The following FAT1 variants were observed in gnomAD, a reference collection of about 807,000 sequenced individuals.
FAT1 encodes the protein protocadherin Fat 1.
A neutral mutation model predicts 329.8 loss-of-function variants in FAT1; 171 were observed. The observed-to-expected ratio is 0.52, with a 90% confidence interval of 0.46 to 0.59. The LOEUF (loss-of-function observed/expected upper bound fraction) is 0.59. Among genes scored for constraint, FAT1 ranks in the 20% least tolerant of loss-of-function variants. The pLI is 0.00. For synonymous variants in FAT1, 2,233 were observed against 2,228.6 expected, an observed-to-expected ratio of 1.00 and a Z score of -0.06; for missense variants, 5,672 against 5,774.4, an observed-to-expected ratio of 0.98 and a Z score of 0.57.
At chr4:186,642,377 C>A (rs184432364) in intron 3 of FAT1, among the ~76,000 whole-genome samples, 1 of 152,200 alleles carries the variant, frequency 6.6e-6, no homozygotes, top group Non-Finnish European at 1.5e-5. Flanking sequence ...GGAAAACTCA[C>A]GAGGACAGTG....
intron 3 of FAT1, among the ~76,000 whole-genome samples, chr4:186,651,042 A>ACCATTATTAAATAATTTAT (rs1560966623): frequency 2.0e-5 from 3 of 147,334 alleles, no homozygotes; most frequent in South Asian, 2.1e-4. Context: ...TAATTTATTT[A>ACCATTATTAAATAATTTAT]CTATTATTAA....
Position 186,619,722 on chromosome 4 carries a change from A to G in FAT1, c.6864T>C (p.Tyr2288=), listed in dbSNP as rs956284854. The change falls in exon 10 of 27, where the codon TAT becomes TAC. Residue 2288 remains tyrosine (Y), a synonymous_variant. Transcript: ENST00000441802. Reference sequence around the variant, plus strand: ...CAGATGCCTCAGACAGGGTCACCGCATAAGACTGCTGAGCAAACACAGGAG... The same window carrying G: ...CAGATGCCTCAGACAGGGTCACCGCGTAAGACTGCTGAGCAAACACAGGAG... ...DNPPVFAQQS[Y]AVTLSEASVI... The G allele has an allele frequency of 1.3e-5, 21 of 1,613,910 alleles. No homozygotes were observed. The highest frequency in any genetic ancestry group is 1.5e-5 in the Non-Finnish European group (18 of 1,179,906).
At chr4:186,644,274 G>T (rs1341674437) in intron 3 of FAT1, among the ~76,000 whole-genome samples, 1 of 152,130 alleles carries the variant, frequency 6.6e-6, no homozygotes, top group African/African-American at 2.4e-5. Flanking sequence ...TCATTTAATA[G>T]ATCCAAAAAA....
At chr4:186,686,805 G>C (rs1560992420) in intron 2 of FAT1, among the ~76,000 whole-genome samples, 1 of 152,164 alleles carries the variant, frequency 6.6e-6, no homozygotes, top group Non-Finnish European at 1.5e-5. Context: ...CTACACTGCT[G>C]ATTATACACT....
rs2126385230 is a variant in FAT1 at position 186,596,468 on chromosome 4, G to T, written c.13000+72C>A. ...CTCTAATGAAGAGTACACACATTTT[G>T]ACTGGACAGAATTTGTAACCTCACT... On this transcript the variant is annotated intron_variant, in intron 25 of 26. Coordinates refer to ENST00000441802, the MANE Select transcript of FAT1 (RefSeq NM_005245.4). The surrounding 1 kb of genome is among the most constrained non-coding windows in gnomAD (Gnocchi z 4.7). The T allele has an allele frequency of 6.7e-7, 1 of 1,501,368 alleles. No individual in the cohort carries two copies. Among genetic ancestry groups the T allele is most frequent in the Non-Finnish European group, 9.0e-7 (1 of 1,109,906 alleles). The allele number at this position is 1,501,368 out of a possible 1,614,324, so 93.0% of individuals were successfully genotyped here.
chr4:186,717,816 C>G (rs1428975265), intron 1 of FAT1, among the ~76,000 whole-genome samples: 1 of 152,102 alleles, frequency 6.6e-6, no homozygotes, highest in Non-Finnish European at 1.5e-5. Flanking sequence ...CATTCCTGTG[C>G]TATTCTCTTC....
rs2126519175 is a variant in FAT1 at position 186,620,795 on chromosome 4, A to G, written c.5791T>C (p.Tyr1931His). 1 of 1,614,046 alleles carries G rather than the reference A, an allele frequency of 6.2e-7. No homozygotes were observed. The highest frequency in any genetic ancestry group is 8.5e-7 in the Non-Finnish European group (1 of 1,179,902). Residue 1931 changes from tyrosine to histidine, a missense_variant, in exon 10 of 27, where the codon TAC becomes CAC. Tyr to His is a moderately conservative substitution (Grantham distance 83). This residue lies in a region of FAT1 where 3,966 missense variants were observed against 3,915.2 expected (regional missense o/e 1.01). Transcript: ENST00000441802. Reference protein sequence around the residue: ...GNIGEKFSMDYKTGALTVQNT... With the variant: ...GNIGEKFSMDHKTGALTVQNT... ...TGGACAGTGAGAGCACCAGTCTTGTAGTCCATAGAAAACTTCTCCCCGATG... is the reference window on the plus strand; with the variant it reads ...TGGACAGTGAGAGCACCAGTCTTGTGGTCCATAGAAAACTTCTCCCCGATG...
intron 2 of FAT1, among the ~76,000 whole-genome samples, chr4:186,694,122 C>T (rs1275010193): frequency 6.6e-6 from 1 of 152,084 alleles, no homozygotes; most frequent in African/African-American, 2.4e-5. Context: ...TCAACCTCTC[C>T]CAGACTCAAC....
chr4:186,643,615 T>C (rs550520051), intron 3 of FAT1, among the ~76,000 whole-genome samples: 67 of 152,280 alleles, frequency 4.4e-4, no homozygotes, highest in African/African-American at 1.5e-3. Flanking sequence ...CTAGGCATTC[T>C]GGGTGTCTTT....
chr4:186,688,838 T>C (rs1044280819), intron 2 of FAT1, among the ~76,000 whole-genome samples: 2 of 151,970 alleles, frequency 1.3e-5, no homozygotes, highest in Non-Finnish European at 2.9e-5. Flanking sequence ...GCAGGGTAGG[T>C]TTTCATAACC....
At chr4:186,725,865 A>AT (rs1443813240), upstream of FAT1, among the ~76,000 whole-genome samples, 2 of 152,140 alleles carry the variant, frequency 1.3e-5, no homozygotes, top group African/African-American at 2.4e-5. The surrounding 1 kb of genome is among the most constrained non-coding windows in gnomAD (Gnocchi z 5.4). Context: ...ACCCAAGCTG[A>AT]TTTTTGTAAC....
chr4:186,601,356 T>A lies in FAT1; in HGVS notation c.11553A>T (p.Leu3851Phe). The change falls in exon 21 of 27, where the codon TTA (leucine) becomes TTT (phenylalanine). Residue 3851 changes from leucine (L) to phenylalanine (F), a missense_variant. Around this residue, in one of 2 missense-constraint regions of FAT1, gnomAD observed 1,706 missense variants for 1,859.1 expected, o/e 0.92. Coordinates refer to ENST00000441802, the MANE Select transcript of FAT1 (RefSeq NM_005245.4). Reference protein sequence around the residue: ...KYRLTENENKLEMKLTMRLRT... With the variant: ...KYRLTENENKFEMKLTMRLRT... Reference sequence around the variant, plus strand: ...TGAGCCTCATGGTCAGTTTCATCTCTAATTTGTTTTCATTTTCCGTCAGAC... The same window carrying A: ...TGAGCCTCATGGTCAGTTTCATCTCAAATTTGTTTTCATTTTCCGTCAGAC... 2 of 1,613,590 alleles carry A rather than the reference T, an allele frequency of 1.2e-6. No individual in the cohort carries two copies. The highest frequency in any genetic ancestry group is 1.7e-6 in the Non-Finnish European group (2 of 1,179,508).
At chr4:186,655,563 T>C (rs779811416) in intron 3 of FAT1, among the ~76,000 whole-genome samples, 1 of 152,038 alleles carries the variant, frequency 6.6e-6, no homozygotes, top group Non-Finnish European at 1.5e-5. Flanking sequence ...GCCTCCCAAG[T>C]AGCTGGGATT....
rs777297275 is a variant in FAT1 at position 186,663,299 on chromosome 4, C to T, written c.3580G>A (p.Gly1194Ser). 6.2e-7 allele frequency: 1 copy of T among 1,607,326 alleles called. No homozygotes were observed. Among genetic ancestry groups the T allele is most frequent in the Non-Finnish European group, 8.5e-7 (1 of 1,175,254 alleles). The change falls in exon 3 of 27, where the codon GGT (glycine) becomes AGT (serine). Residue 1194 changes from glycine to serine, a missense_variant and splice_region_variant. Physicochemically the swap from Gly to Ser is moderately conservative, Grantham distance 56. This residue lies in a region of FAT1 where 3,966 missense variants were observed against 3,915.2 expected (regional missense o/e 1.01). Coordinates refer to ENST00000441802, the MANE Select transcript of FAT1 (RefSeq NM_005245.4). The part of the protein sequence containing the change: ...QGFFSIHPKT[G>S]LITTTSRKLD... The stretch of plus-strand genomic sequence containing the variant: ...TTCCTATAGCAGTATTAACACATAC[C>T]TGTTTTAGGATGTATTGAAAAGAAT...
intron 2 of FAT1, among the ~76,000 whole-genome samples, chr4:186,691,281 GCCTCTA>G (rs1234897777): frequency 6.6e-6 from 1 of 152,164 alleles, no homozygotes; most frequent in African/African-American, 2.4e-5. Context: ...CTGATTAGGT[GCCTCTA>G]GTGCAGATTC....
At chr4:186,612,703 T>C (rs976074290) in intron 13 of FAT1, among the ~76,000 whole-genome samples, 8 of 152,240 alleles carry the variant, frequency 5.3e-5, no homozygotes, top group African/African-American at 1.9e-4. Context: ...ATATACATTC[T>C]ATAGTCCAAT....
intron 2 of FAT1, among the ~76,000 whole-genome samples, chr4:186,696,100 A>T (rs1325192821): frequency 6.6e-6 from 1 of 152,122 alleles, no homozygotes; most frequent in Non-Finnish European, 1.5e-5. Context: ...CATAGGCCCT[A>T]GAACACTTAT....
chr4:186,641,429 C>G (rs1444422950), intron 3 of FAT1, among the ~76,000 whole-genome samples: 1 of 152,166 alleles, frequency 6.6e-6, no homozygotes, highest in Non-Finnish European at 1.5e-5. Flanking sequence ...CCATCCTCTC[C>G]TAACTGTGGT....
At chr4:186,674,113 G>A (rs944463747) in intron 2 of FAT1, among the ~76,000 whole-genome samples, 1 of 152,114 alleles carries the variant, frequency 6.6e-6, no homozygotes. Flanking sequence ...CCCCTTATAC[G>A]GACTGGATGC....
Sources: allele counts gnomAD v4.1 joint callset (sites outside exome capture counted in the v4.1 genomes callset), GRCh38; gene constraint gnomAD v4.1.1; regional missense constraint gnomAD v4.1.1; non-coding constraint Gnocchi (gnomAD v3.1); transcripts MANE v1.5; gene names NCBI Gene and HGNC (gene_info 2026-07-23, HGNC 2026-07-21).